The following CAST variants were observed in gnomAD, a reference collection of about 807,000 sequenced individuals.
The protein encoded by CAST is MIR583 host.
CAST carries 76 observed loss-of-function variants against 119.6 expected under a neutral mutation model. That is an observed-to-expected ratio of 0.64 (90% CI 0.53 to 0.77). CAST has a LOEUF of 0.77. CAST is among the 30% of genes least tolerant of loss of function. CAST has a pLI of 0.00. For missense variants in CAST, 953 were observed against 946.5 expected (o/e 1.01, Z -0.09); for synonymous variants, 319 against 331.6 (o/e 0.96, Z 0.41).
intron 25 of CAST, among the ~76,000 whole-genome samples, chr5:96,763,496 G>GATGA (rs1379996904): frequency 6.6e-6 from 1 of 152,192 alleles, no homozygotes; most frequent in South Asian, 2.1e-4. Context: ...ATTCTGCCCT[G>GATGA]ATGAAGGCTA....
the CAST span, among the ~76,000 whole-genome samples, chr5:96,219,192 A>G: frequency 3.5e-3 from 536 of 152,190 alleles, 2 homozygotes; most frequent in African/African-American, 0.012. Context: ...TTAACCAAAA[A>G]TTTTCATTTG....
At chr5:96,079,819 C>T in the CAST span, among the ~76,000 whole-genome samples, 1 of 152,106 alleles carries the variant, frequency 6.6e-6, no homozygotes. Context: ...TCTATATCAG[C>T]ACAAATAGCT....
chr5:96,105,549 G>A, the CAST span, among the ~76,000 whole-genome samples: 15 of 152,034 alleles, frequency 9.9e-5, no homozygotes, highest in Admixed American at 2.6e-4. Context: ...ATTGATTTGC[G>A]TATATTGAAC....
chr5:96,651,541 C>T (rs1748094848), intron 1 of CAST, among the ~76,000 whole-genome samples: 1 of 152,176 alleles, frequency 6.6e-6, no homozygotes, highest in Non-Finnish European at 1.5e-5. Context: ...CGCATCTCAC[C>T]TGAGGTTGGG....
At chr5:96,422,878 C>A in the CAST span, among the ~76,000 whole-genome samples, 1 of 149,424 alleles carries the variant, frequency 6.7e-6, no homozygotes, top group South Asian at 2.1e-4. Flanking sequence ...GTGGTATTCA[C>A]TTTGGATTTG....
At chr5:96,689,514 C>T (rs1363781963) in intron 2 of CAST, among the ~76,000 whole-genome samples, 1 of 152,020 alleles carries the variant, frequency 6.6e-6, no homozygotes, top group Non-Finnish European at 1.5e-5. Flanking sequence ...TAGTAGAGCA[C>T]CAGAGATCAT....
At chr5:96,729,580 A>T in intron 7 of CAST, 32 bp from the exon 8 acceptor site, 1 of 835,490 alleles carries the variant, frequency 1.2e-6, no homozygotes, top group Non-Finnish European at 2.1e-6. Flanking sequence ...ATGTCTTTAT[A>T]TGTGTGTGGG....
At chr5:96,264,704 T>C in the CAST span, among the ~76,000 whole-genome samples, 1 of 152,236 alleles carries the variant, frequency 6.6e-6, no homozygotes, top group Admixed American at 6.5e-5. Context: ...GACTTCCTCT[T>C]TGCACCTTCG....
intron 3 of CAST, among the ~76,000 whole-genome samples, chr5:96,699,140 T>C (rs993248688): frequency 1.3e-5 from 2 of 152,222 alleles, no homozygotes; most frequent in Non-Finnish European, 2.9e-5. Context: ...AAGATGAGGC[T>C]GCGGAAATTA....
upstream of CAST, among the ~76,000 whole-genome samples, chr5:96,521,517 C>G (rs560974373): frequency 6.6e-6 from 1 of 152,292 alleles, no homozygotes; most frequent in East Asian, 1.9e-4. Flanking sequence ...CATGACCAAA[C>G]TCAAAGATCA....
the CAST span, among the ~76,000 whole-genome samples, chr5:96,361,010 T>C: frequency 6.7e-4 from 102 of 152,186 alleles, no homozygotes; most frequent in Non-Finnish European, 8.8e-5. Flanking sequence ...ATTGCTGCCT[T>C]TTTTTCAGAG....
At chr5:96,579,635 C>T (rs2150188905) in intron 1 of CAST, among the ~76,000 whole-genome samples, 1 of 152,232 alleles carries the variant, frequency 6.6e-6, no homozygotes, top group South Asian at 2.1e-4. Context: ...CTGTGCTATT[C>T]CTCCTGACTA....
chr5:96,730,739 A>C (rs1432288454), intron 8 of CAST, 41 bp from the exon 9 acceptor site: 1 of 1,403,210 alleles, frequency 7.1e-7, no homozygotes, highest in East Asian at 2.3e-5. Flanking sequence ...AGCCATGCAG[A>C]GATACTTAGC....
the CAST span, among the ~76,000 whole-genome samples, chr5:96,276,082 C>A: frequency 6.6e-6 from 1 of 152,182 alleles, no homozygotes; most frequent in Admixed American, 6.5e-5. Context: ...TGTTTACATG[C>A]AGTGTTTTTC....
At chr5:96,680,522 T>C (rs1411500249) in intron 2 of CAST, among the ~76,000 whole-genome samples, 2 of 151,984 alleles carry the variant, frequency 1.3e-5, no homozygotes, top group East Asian at 3.9e-4. Context: ...AAATGCTGCA[T>C]ATCTTGATTT....
At chr5:96,295,072 G>A in the CAST span, among the ~76,000 whole-genome samples, 2 of 152,264 alleles carry the variant, frequency 1.3e-5, no homozygotes, top group Admixed American at 6.5e-5. Flanking sequence ...CCCTGTATTT[G>A]TTACTATGGA....
chr5:96,214,448 C>T, the CAST span, among the ~76,000 whole-genome samples: 1 of 152,194 alleles, frequency 6.6e-6, no homozygotes, highest in East Asian at 1.9e-4. Flanking sequence ...TGTTACTACC[C>T]AAATGGAGGA....
chr5:96,747,247 T>C, intron 17 of CAST, 98 bp from the exon 18 acceptor site: 1 of 689,448 alleles, frequency 1.5e-6, no homozygotes, highest in Non-Finnish European at 2.6e-6. Flanking sequence ...AAAAATTAGC[T>C]GACATTTCAT....
intron 1 of CAST, among the ~76,000 whole-genome samples, chr5:96,589,038 C>T (rs11740765): frequency 0.04 from 6,143 of 152,174 alleles, 173 homozygotes; most frequent in African/African-American, 0.082. Context: ...AGTTAGACAA[C>T]GATTTTCTTT....
Sources: allele counts gnomAD v4.1 joint callset (sites outside exome capture counted in the v4.1 genomes callset), GRCh38; gene constraint gnomAD v4.1.1; transcripts MANE v1.5; gene names NCBI Gene and HGNC (gene_info 2026-07-23, HGNC 2026-07-21).